Variants in FHOD3 observed in about 807,000 individuals in gnomAD.
FHOD3 encodes the protein FH1/FH2 domain-containing protein 3.
Under a neutral mutation model 173.0 loss-of-function variants are expected in FHOD3, and 90 were observed. That is an observed-to-expected ratio of 0.52 (90% CI 0.44 to 0.62). The LOEUF is 0.62. Among genes scored for constraint, FHOD3 ranks in the 20% least tolerant of loss-of-function variants. The probability of loss-of-function intolerance (pLI) is 0.00; values close to 1 mark genes in which losing one functional copy is unlikely to be tolerated. For synonymous variants in FHOD3, 828 were observed against 823.0 expected, an observed-to-expected ratio of 1.01 and a Z score of -0.10; for missense variants, 1,945 against 2,034.7, an observed-to-expected ratio of 0.96 and a Z score of 0.85.
intron 1 of FHOD3, among the ~76,000 whole-genome samples, chr18:36,348,842 T>C (rs1415901077): frequency 4.6e-5 from 7 of 152,150 alleles, no homozygotes; most frequent in Non-Finnish European, 1.0e-4. Flanking sequence ...CAGCCCTGCC[T>C]TGAGCCTGCA....
intron 9 of FHOD3, among the ~76,000 whole-genome samples, chr18:36,618,314 T>G (rs1394263849): frequency 7.3e-6 from 1 of 136,816 alleles, no homozygotes; most frequent in African/African-American, 2.7e-5. Context: ...TTTGGTGGTT[T>G]TTTTTTTTTT....
chr18:36,559,073 G>C (rs1289747709), intron 5 of FHOD3, among the ~76,000 whole-genome samples: 1 of 152,172 alleles, frequency 6.6e-6, no homozygotes, highest in East Asian at 1.9e-4. Flanking sequence ...ACCTATTGTA[G>C]TATCTTCTCT....
Position 36,548,329 on chromosome 18 carries a change from T to C in FHOD3, c.512-28122T>C, listed in dbSNP as rs566080708. Among the ~76,000 whole-genome samples, 4 of 152,374 alleles carry C rather than the reference T, an allele frequency of 2.6e-5. No homozygotes were observed. The East Asian group carries it at 7.7e-4, about 29-fold the overall frequency. On this transcript the variant is annotated intron_variant, in intron 5 of 28. Coordinates refer to ENST00000590592, the MANE Select transcript of FHOD3 (RefSeq NM_001281740.3). ...TTTATCAATTTGTTATGGTGATATT[T>C]CCTGTTAGTTTTGTAGGGGACTTAT...
intron 10 of FHOD3, among the ~76,000 whole-genome samples, chr18:36,633,305 C>T (rs918730850): frequency 2.0e-5 from 3 of 152,290 alleles, no homozygotes; most frequent in East Asian, 1.9e-4. Context: ...CTTAGGAGAC[C>T]GCCTTTCACT....
chr18:36,686,129 T>C (rs2149442174), intron 15 of FHOD3, among the ~76,000 whole-genome samples: 1 of 152,216 alleles, frequency 6.6e-6, no homozygotes, highest in African/African-American at 2.4e-5. Context: ...TATAAATCAT[T>C]CTATCTTAAA....
At chr18:36,439,245 A>G (rs1419854502) in intron 3 of FHOD3, among the ~76,000 whole-genome samples, 1 of 152,220 alleles carries the variant, frequency 6.6e-6, no homozygotes, top group Non-Finnish European at 1.5e-5. Context: ...TTCTTTCCCA[A>G]AAAATCTTAA....
At chr18:36,608,214 A>G (rs2032293328) in intron 8 of FHOD3, among the ~76,000 whole-genome samples, 1 of 152,258 alleles carries the variant, frequency 6.6e-6, no homozygotes, top group South Asian at 2.1e-4. Context: ...TTTATAAAGG[A>G]AATAAATTTA....
intron 5 of FHOD3, among the ~76,000 whole-genome samples, chr18:36,524,237 G>A (rs1380457623): frequency 6.7e-6 from 1 of 150,166 alleles, no homozygotes; most frequent in Non-Finnish European, 1.5e-5. Context: ...AACCGAGACT[G>A]TGCCACTGCA....
chr18:36,763,108 TTATA>T (rs2042967358), intron 27 of FHOD3, among the ~76,000 whole-genome samples: 2 of 148,286 alleles, frequency 1.3e-5, no homozygotes, highest in African/African-American at 2.5e-5. Flanking sequence ...ATTATACACG[TTATA>T]TATAATATGT....
At chr18:36,395,210 G>A (rs761722714) in intron 3 of FHOD3, among the ~76,000 whole-genome samples, 1 of 150,268 alleles carries the variant, frequency 6.7e-6, no homozygotes, top group Non-Finnish European at 1.5e-5. Flanking sequence ...TCTGTATCTA[G>A]GGAGGCTGAG....
At position 36,342,604 on chromosome 18, in the gene FHOD3, TA is replaced by T. The variant is rs547174047; in HGVS notation, c.166-12934del. Among the ~76,000 whole-genome samples the T allele has an allele frequency of 8.1e-3, 1,230 of 152,294 alleles. 3 individuals carry two copies. The highest frequency in any genetic ancestry group is 0.027 in the Middle Eastern group (8 of 294). On this transcript the variant is annotated intron_variant, in intron 1 of 28. Transcript: ENST00000590592. ...AACTACTAATGTAGCATTCTTTATC[TA>T]GCAAAACGTCCTTCAAAATGAAGGT...
At chr18:36,484,388 C>T (rs913095140) in intron 3 of FHOD3, among the ~76,000 whole-genome samples, 3 of 152,152 alleles carry the variant, frequency 2.0e-5, no homozygotes, top group Admixed American at 2.0e-4. Context: ...CCAGACTGGC[C>T]AGGGAGGAGC....
intron 19 of FHOD3, among the ~76,000 whole-genome samples, chr18:36,728,208 G>C (rs959064435): frequency 2.0e-5 from 3 of 152,190 alleles, no homozygotes; most frequent in Non-Finnish European, 4.4e-5. Flanking sequence ...TGCTGAGTGG[G>C]GAAGAGGGCA....
At chr18:36,578,333 A>G (rs1278991046) in intron 6 of FHOD3, among the ~76,000 whole-genome samples, 1 of 152,162 alleles carries the variant, frequency 6.6e-6, no homozygotes, top group Non-Finnish European at 1.5e-5. Context: ...GCCACCCTTT[A>G]TAAAACCATC....
At chr18:36,594,369 C>T (rs1002930744) in intron 6 of FHOD3, among the ~76,000 whole-genome samples, 3 of 152,082 alleles carry the variant, frequency 2.0e-5, no homozygotes, top group Non-Finnish European at 2.9e-5. Flanking sequence ...CTTGTTTAAC[C>T]TGCTGTTTCT....
At chr18:36,589,891 A>G (rs953495390) in intron 6 of FHOD3, among the ~76,000 whole-genome samples, 2 of 152,136 alleles carry the variant, frequency 1.3e-5, no homozygotes, top group Admixed American at 6.5e-5. Context: ...GTGCTGGACA[A>G]ATGGGCAGGT....
chr18:36,600,172 G>A (rs907689687), intron 7 of FHOD3, among the ~76,000 whole-genome samples: 9 of 151,050 alleles, frequency 6.0e-5, no homozygotes, highest in Admixed American at 2.0e-4. Flanking sequence ...CACTCCTTTG[G>A]GATCCAGTTT....
chr18:36,321,876 A>G (rs964893074), intron 1 of FHOD3, among the ~76,000 whole-genome samples: 1 of 152,162 alleles, frequency 6.6e-6, no homozygotes, highest in Non-Finnish European at 1.5e-5. Context: ...AGTCATGAGG[A>G]GGGCGTGGGG....
chr18:36,656,650 A>T (rs577401081), intron 13 of FHOD3, among the ~76,000 whole-genome samples: 2 of 152,086 alleles, frequency 1.3e-5, no homozygotes, highest in African/African-American at 4.8e-5. Flanking sequence ...TTTTTCCTAC[A>T]CTTAGTTTTT....
Sources: gnomAD v4.1 joint callset for allele counts (sites outside exome capture counted in the v4.1 genomes callset) on GRCh38, gnomAD v4.1.1 for gene constraint, MANE v1.5 for transcripts, NCBI Gene and HGNC (gene_info 2026-07-23, HGNC 2026-07-21) for gene names.